The following DOCK5 variants were observed in gnomAD, a reference collection of about 807,000 sequenced individuals.
The protein encoded by DOCK5 is dedicator of cytokinesis protein 5.
Under a neutral mutation model 251.8 loss-of-function variants are expected in DOCK5, and 142 were observed. The observed-to-expected ratio is 0.56, with a 90% CI of 0.49 to 0.65. The LOEUF (loss-of-function observed/expected upper bound fraction) is 0.65. Among genes scored for constraint, DOCK5 ranks in the 30% least tolerant of loss-of-function variants. The pLI is 0.00. For synonymous variants in DOCK5, 842 were observed against 835.5 expected, an observed-to-expected ratio of 1.01 and a Z score of -0.13; for missense variants, 2,111 against 2,312.3, an observed-to-expected ratio of 0.91 and a Z score of 1.79.
intron 26 of DOCK5, among the ~76,000 whole-genome samples, chr8:25,346,195 C>G (rs1800364188): frequency 6.6e-6 from 1 of 150,456 alleles, no homozygotes; most frequent in Non-Finnish European, 1.5e-5. Context: ...GGCATGGTGG[C>G]TCAGGCCTGT....
intron 5 of DOCK5, among the ~76,000 whole-genome samples, chr8:25,279,541 A>C (rs1357929283): frequency 2.0e-5 from 3 of 150,502 alleles, no homozygotes; most frequent in Admixed American, 6.6e-5. Context: ...GTCCCGGCTC[A>C]CTGCAAGCTC....
intron 2 of DOCK5, among the ~76,000 whole-genome samples, chr8:25,255,969 G>C (rs994229920): frequency 6.6e-6 from 1 of 152,182 alleles, no homozygotes; most frequent in African/African-American, 2.4e-5. Flanking sequence ...GGTCATAGTA[G>C]CAGGAAACAG....
At chr8:25,354,027 T>TTAAAAA (rs1335448074) in intron 27 of DOCK5, among the ~76,000 whole-genome samples, 1 of 7,756 alleles carries the variant, frequency 1.3e-4, no homozygotes, top group African/African-American at 2.0e-4. Context: ...GACTTTGTCT[T>TTAAAAA]AAAAAAAAAA....
intron 1 of DOCK5, among the ~76,000 whole-genome samples, chr8:25,220,762 G>A (rs1802366113): frequency 6.6e-6 from 1 of 152,122 alleles, no homozygotes; most frequent in Non-Finnish European, 1.5e-5. Flanking sequence ...CTGCCATCAT[G>A]CCTGGCTAAT....
chr8:25,366,817 C>T lies in DOCK5; in HGVS notation c.3124-53C>T, dbSNP rs968428248. 16 of 1,411,476 alleles carry T rather than the reference C, an allele frequency of 1.1e-5. No individual in the cohort carries two copies. The African/African-American group carries it at 2.3e-4, about 20-fold the overall frequency. 87.4% of individuals were successfully genotyped at this position (1,411,476 alleles called of 1,614,324 possible). On this transcript the variant is annotated intron_variant, in intron 30 of 51. Transcript: ENST00000276440. ...CATGTGACATTGTTTTATTATGGCC[C>T]TTATTAATGTTATTTTTCATTTCCC...
intron 6 of DOCK5, 100 bp from the exon 7 acceptor site, chr8:25,296,413 C>T (rs1804615756): frequency 1.4e-6 from 2 of 1,455,764 alleles, no homozygotes; most frequent in East Asian, 2.5e-5. Flanking sequence ...CCAGCATCTC[C>T]CTTTCTAACT....
intron 1 of DOCK5, among the ~76,000 whole-genome samples, chr8:25,189,216 A>G (rs1324398492): frequency 6.6e-6 from 1 of 151,978 alleles, no homozygotes; most frequent in Admixed American, 6.6e-5. Context: ...GTTTTAAAAT[A>G]TTAAACTTTT....
At chr8:25,332,897 C>G (rs917022645) in intron 20 of DOCK5, among the ~76,000 whole-genome samples, 7 of 152,088 alleles carry the variant, frequency 4.6e-5, no homozygotes, top group African/African-American at 1.7e-4. Context: ...CCTGTTAGGT[C>G]TCATTTTTTG....
chr8:25,367,472 T>G (rs1800797657), intron 31 of DOCK5, among the ~76,000 whole-genome samples: 1 of 152,198 alleles, frequency 6.6e-6, no homozygotes, highest in African/African-American at 2.4e-5. Flanking sequence ...AAGCATTTCA[T>G]TTCATTGAGA....
chr8:25,374,953 A>C, intron 37 of DOCK5: 2 of 1,214,588 alleles, frequency 1.6e-6, no homozygotes, highest in South Asian at 3.3e-5. Flanking sequence ...AAAAATTTGT[A>C]AAACTGCAGA....
chr8:25,214,749 G>A (rs919645093), intron 1 of DOCK5, among the ~76,000 whole-genome samples: 4 of 152,086 alleles, frequency 2.6e-5, no homozygotes, highest in African/African-American at 7.2e-5. Context: ...CACAAACCAC[G>A]CACTTTATCA....
At chr8:25,238,356 A>G (rs1802854325) in intron 1 of DOCK5, among the ~76,000 whole-genome samples, 1 of 152,208 alleles carries the variant, frequency 6.6e-6, no homozygotes, top group African/African-American at 2.4e-5. Context: ...CACTGTATAC[A>G]ATTACTAAGA....
At chr8:25,369,469 C>A in intron 33 of DOCK5, 87 bp from the exon 34 acceptor site, 1 of 1,157,408 alleles carries the variant, frequency 8.6e-7, no homozygotes, top group South Asian at 1.4e-5. Context: ...CACAACTCAG[C>A]GAATGGGTTG....
intron 28 of DOCK5, among the ~76,000 whole-genome samples, chr8:25,360,884 G>A (rs796806966): frequency 4.6e-5 from 7 of 152,226 alleles, no homozygotes; most frequent in African/African-American, 1.7e-4. Context: ...AAAAAGGGGC[G>A]TACCTCCTGT....
Position 25,340,830 on chromosome 8 carries a change from C to A in DOCK5, c.2328-47C>A, listed in dbSNP as rs199836067. 180 of 1,499,892 alleles carry A rather than the reference C, an allele frequency of 1.2e-4. No individual in the cohort carries two copies. In the East Asian group the frequency reaches 3.9e-3, roughly 33 times the overall value. The allele number at this position is 1,499,892 out of a possible 1,614,324, so 92.9% of individuals were successfully genotyped here. The stretch of plus-strand genomic sequence containing the variant: ...AGGCAACAAATCTATTTTAAAATTT[C>A]TTTTAACAATGGAAAGTCCAACTGC... On this transcript the variant is annotated intron_variant, in intron 22 of 51. Transcript: ENST00000276440.
intron 1 of DOCK5, among the ~76,000 whole-genome samples, chr8:25,194,257 A>G (rs1416534684): frequency 2.0e-5 from 3 of 151,970 alleles, no homozygotes; most frequent in Admixed American, 2.0e-4. Context: ...TCACGCCACT[A>G]CACTCCAGCC....
At chr8:25,375,845 C>T (rs1240911941) in intron 37 of DOCK5, 2 of 979,366 alleles carry the variant, frequency 2.0e-6, no homozygotes, top group Non-Finnish European at 2.4e-6. Context: ...CGCCTGTAAT[C>T]CCAGCTCTTT....
intron 1 of DOCK5, among the ~76,000 whole-genome samples, chr8:25,190,738 A>G (rs944460683): frequency 6.7e-6 from 1 of 149,404 alleles, no homozygotes; most frequent in Admixed American, 6.7e-5. Context: ...ATATAATTAT[A>G]ATGACCCGAA....
chr8:25,186,143 T>A (rs975969722), intron 1 of DOCK5, among the ~76,000 whole-genome samples: 4 of 152,128 alleles, frequency 2.6e-5, no homozygotes, highest in African/African-American at 9.7e-5. Context: ...AGTCAGGGTT[T>A]TTTGTTGTTG....
Sources: allele counts gnomAD v4.1 joint callset (sites outside exome capture counted in the v4.1 genomes callset), GRCh38; gene constraint gnomAD v4.1.1; transcripts MANE v1.5; gene names NCBI Gene and HGNC (gene_info 2026-07-23, HGNC 2026-07-21).